AKAP13: variants seen among roughly 807,000 people sequenced by gnomAD.
AKAP13 encodes the protein A-kinase anchoring protein 13, also known as A-kinase anchor protein 13.
Under a neutral mutation model 264.5 loss-of-function variants are expected in AKAP13, and 80 were observed. That is an observed-to-expected ratio of 0.30 (90% CI 0.25 to 0.36). The LOEUF (loss-of-function observed/expected upper bound fraction) is 0.36, where lower values mean the gene tolerates loss of function less well. Ranked by LOEUF, AKAP13 falls within the 10% of genes least tolerant of loss-of-function variation. AKAP13 has a pLI of 1.00. For synonymous variants in AKAP13, 1,380 were observed against 1,250.2 expected, an observed-to-expected ratio of 1.10 and a Z score of -2.19; for missense variants, 3,712 against 3,435.2, an observed-to-expected ratio of 1.08 and a Z score of -2.01.
intron 34 of AKAP13, among the ~76,000 whole-genome samples, chr15:85,740,727 CACACACACACAACCCACCCACCCACACAG>C (rs2088892205): frequency 3.4e-5 from 5 of 147,190 alleles, no homozygotes; most frequent in Non-Finnish European, 3.0e-5. Flanking sequence ...ACTTCCAACA[CACACACACACAACCCACCCACCCACACAG>C]ACACACACAC....
Position 85,506,780 on chromosome 15 carries a change from A to G in AKAP13, c.34-14648A>G, listed in dbSNP as rs542455660. 3.3e-5 allele frequency among the ~76,000 whole-genome samples: 5 copies of G among 152,318 alleles called. No homozygotes were observed. The East Asian group carries it at 7.7e-4, about 24-fold the overall frequency. ...TTCACCAACCATGTACAGAAAGCAC[A>G]TGGGACAGATGATGTTATTAATCGT... is the stretch of plus-strand genomic sequence containing the variant. On this transcript the variant is annotated intron_variant, in intron 2 of 36. Coordinates refer to ENST00000394518, the MANE Select transcript of AKAP13 (RefSeq NM_007200.5).
In AKAP13 at chr15:85,717,417, T is replaced by C. The variant is rs778338670; in HGVS notation, c.5848+15T>C. On this transcript the variant is annotated intron_variant, in intron 21 of 36. Transcript: ENST00000394518. Reference sequence around the variant, plus strand: ...TACTGATGAGGGTAAGAGGAAGTTATGGCCTTTATTTTATGCCTCTGTAGG... The same window carrying C: ...TACTGATGAGGGTAAGAGGAAGTTACGGCCTTTATTTTATGCCTCTGTAGG... The C allele has an allele frequency of 4.4e-6, 7 of 1,577,256 alleles. No individual in the cohort carries two copies. The highest frequency in any genetic ancestry group is 3.3e-5 in the South Asian group (3 of 89,896).
chr15:85,683,494 C>T (rs1239564957), intron 15 of AKAP13: 1 of 152,258 alleles, frequency 6.6e-6, no homozygotes, highest in African/African-American at 2.4e-5. Flanking sequence ...GAGACAGAGT[C>T]CCACTGTGTC....
chr15:85,575,078 C>G, intron 5 of AKAP13, 53 bp from the exon 6 acceptor site: 3 of 1,557,860 alleles, frequency 1.9e-6, no homozygotes. Context: ...AACGTTAAGC[C>G]TATGCCTGGG....
chr15:85,404,001 T>G (rs1021205854), intron 1 of AKAP13, among the ~76,000 whole-genome samples: 1 of 152,192 alleles, frequency 6.6e-6, no homozygotes, highest in Non-Finnish European at 1.5e-5. Flanking sequence ...GAGAGTTGCC[T>G]GGAGCCATAG....
In AKAP13 at chr15:85,693,357, C is replaced by T. The variant is rs373268019; in HGVS notation, c.5370C>T (p.Asn1790=). The change falls in exon 17 of 37, where the codon AAC becomes AAT. Residue 1790 remains asparagine, a synonymous_variant. Transcript: ENST00000394518. Reference sequence around the variant, plus strand: ...AGGAGAAAGATAAGAAGACTGTCAACGGGCACACTTTCAGTTCCATTCCTG... The same window carrying T: ...AGGAGAAAGATAAGAAGACTGTCAATGGGCACACTTTCAGTTCCATTCCTG... The part of the protein sequence containing the change: ...KDKEKDKKTV[N]GHTFSSIPVV... 7.4e-5 allele frequency: 119 copies of T among 1,613,938 alleles called. No individual in the cohort carries two copies. In the East Asian group the frequency reaches 1.1e-3, roughly 15 times the overall value.
rs2084266925 is a variant in AKAP13, at chr15:85,677,073, G to A, written c.5102-5085G>A. The A allele has an allele frequency of 7.1e-6, 7 of 985,376 alleles. No individual in the cohort carries two copies. In the Middle Eastern group the frequency reaches 2.6e-3, roughly 368 times the overall value. 61.0% of individuals were successfully genotyped at this position (985,376 alleles called of 1,614,324 possible). On this transcript the variant is annotated intron_variant, in intron 14 of 36. Transcript: ENST00000394518. ...TCTTTTCTCTTGGCTCTTCTTATTC[G>A]AGTGATGAGGAGGAGGAGTTGCATA...
At chr15:85,549,869 G>A (rs1394202566) in intron 5 of AKAP13, among the ~76,000 whole-genome samples, 1 of 152,108 alleles carries the variant, frequency 6.6e-6, no homozygotes, top group East Asian at 1.9e-4. Flanking sequence ...TTTAAAGTAT[G>A]GTTGATTACA....
intron 8 of AKAP13, among the ~76,000 whole-genome samples, chr15:85,636,262 T>C (rs1000807574): frequency 2.0e-5 from 3 of 152,262 alleles, no homozygotes; most frequent in Non-Finnish European, 4.4e-5. Context: ...ACCTTGCTTT[T>C]ATTAATACAT....
chr15:85,519,405 A>G (rs537352394), intron 2 of AKAP13, among the ~76,000 whole-genome samples: 2 of 152,088 alleles, frequency 1.3e-5, no homozygotes, highest in African/African-American at 4.8e-5. Context: ...TAGTTTGTCA[A>G]CCTAGTCATA....
intron 16 of AKAP13, 89 bp from the exon 17 acceptor site, chr15:85,693,188 T>G: frequency 7.0e-7 from 1 of 1,426,016 alleles, no homozygotes; most frequent in Non-Finnish European, 9.1e-7. Flanking sequence ...TCACCAGCTG[T>G]TGTTAACCAC....
chr15:85,479,688 C>T (rs755882002), intron 1 of AKAP13, among the ~76,000 whole-genome samples: 4 of 152,126 alleles, frequency 2.6e-5, no homozygotes, highest in Non-Finnish European at 5.9e-5. Context: ...AGAAAATATG[C>T]TGAGATCACC....
chr15:85,657,772 T>G (rs1479336817), intron 11 of AKAP13, among the ~76,000 whole-genome samples: 1 of 150,734 alleles, frequency 6.6e-6, no homozygotes, highest in Non-Finnish European at 1.5e-5. Flanking sequence ...TGGTGAATGA[T>G]CCCTACAGCC....
chr15:85,429,989 C>G (rs148275408), intron 1 of AKAP13, among the ~76,000 whole-genome samples: 5 of 152,306 alleles, frequency 3.3e-5, no homozygotes, highest in South Asian at 2.1e-4. Context: ...TGAATGTAAT[C>G]TTTAATGGAT....
chr15:85,451,742 C>A (rs1304750446), intron 1 of AKAP13, among the ~76,000 whole-genome samples: 1 of 152,190 alleles, frequency 6.6e-6, no homozygotes, highest in Non-Finnish European at 1.5e-5. Flanking sequence ...CCACTGTTAG[C>A]CTGATGGGGA....
Position 85,658,581 on chromosome 15 carries a change from A to G in AKAP13, c.4790A>G (p.His1597Arg), listed in dbSNP as rs1487961732. The G allele has an allele frequency of 1.9e-6, 3 of 1,613,802 alleles. No individual in the cohort carries two copies. The highest frequency in any genetic ancestry group is 2.5e-6 in the Non-Finnish European group (3 of 1,179,808). ...GATGTTGTCAGGAGACCTCCCATTC[A>G]TAGGAGAAGGTACAGAGTTCATTAA... is the stretch of plus-strand genomic sequence containing the variant. ...LGDVVRRPPI[H>R]RRSFSLEGLT... The change falls in exon 12 of 37, where the codon CAT becomes CGT. Residue 1597 changes from histidine (H) to arginine (R), a missense_variant. His to Arg is a conservative substitution (Grantham distance 29, BLOSUM62 0). Transcript: ENST00000394518.
chr15:85,492,297 G>A (rs2075752737), intron 2 of AKAP13, among the ~76,000 whole-genome samples: 2 of 152,292 alleles, frequency 1.3e-5, no homozygotes, highest in East Asian at 1.9e-4. Context: ...CAGGAGGATC[G>A]CTTGAGCCCA....
intron 2 of AKAP13, among the ~76,000 whole-genome samples, chr15:85,505,367 T>C (rs1264102791): frequency 6.6e-6 from 1 of 152,206 alleles, no homozygotes; most frequent in East Asian, 1.9e-4. Context: ...TGGAAGACAG[T>C]ATGAATTTGG....
intron 12 of AKAP13, among the ~76,000 whole-genome samples, chr15:85,664,320 G>T (rs537580924): frequency 1.3e-5 from 2 of 152,286 alleles, no homozygotes; most frequent in East Asian, 3.9e-4. Context: ...ATCTTAGGTG[G>T]TTCAACATTT....
Sources: allele counts gnomAD v4.1 joint callset (sites outside exome capture counted in the v4.1 genomes callset), GRCh38; gene constraint gnomAD v4.1.1; transcripts MANE v1.5; gene names NCBI Gene and HGNC (gene_info 2026-07-23, HGNC 2026-07-21).